ASTN2: variants seen among roughly 807,000 people sequenced by gnomAD.
ASTN2 encodes the protein astrotactin 2, also known as astrotactin-2.
ASTN2 carries 54 observed loss-of-function variants against 139.8 expected under a neutral mutation model. That is an observed-to-expected ratio of 0.39 (90% confidence interval 0.31 to 0.48). ASTN2 has a LOEUF of 0.48. Ranked by LOEUF, ASTN2 falls within the 20% of genes least tolerant of loss-of-function variation. ASTN2 has a pLI of 0.95. For missense variants in ASTN2, 1,565 were observed against 1,725.1 expected (o/e 0.91, Z 1.64); for synonymous variants, 756 against 719.5 (o/e 1.05, Z -0.81).
chr9:116,637,875 G>C (rs1457776780), intron 17 of ASTN2, among the ~76,000 whole-genome samples: 3 of 152,302 alleles, frequency 2.0e-5, no homozygotes, highest in African/African-American at 7.2e-5. Flanking sequence ...GGGAGATCGA[G>C]GCTACAGTGA....
intron 20 of ASTN2, among the ~76,000 whole-genome samples, chr9:116,482,937 G>A (rs1204658290): frequency 6.6e-6 from 1 of 152,250 alleles, no homozygotes; most frequent in African/African-American, 2.4e-5. Flanking sequence ...CATGCTTGCT[G>A]AGGACCCTTT....
chr9:116,632,785 CA>C (rs1248907965), intron 17 of ASTN2, among the ~76,000 whole-genome samples: 1 of 152,212 alleles, frequency 6.6e-6, no homozygotes, highest in Non-Finnish European at 1.5e-5. Flanking sequence ...CAGCAGAATT[CA>C]AAAGCCCTTA....
At chr9:116,688,227 C>T (rs1304308666) in intron 16 of ASTN2, among the ~76,000 whole-genome samples, 1 of 151,990 alleles carries the variant, frequency 6.6e-6, no homozygotes, top group Non-Finnish European at 1.5e-5. Context: ...TTGCAATATA[C>T]AGCCCCAAAG....
intron 2 of ASTN2, among the ~76,000 whole-genome samples, chr9:117,281,713 GC>G (rs1834329650): frequency 6.6e-6 from 1 of 152,028 alleles, no homozygotes; most frequent in African/African-American, 2.4e-5. Flanking sequence ...CAACCTGTCC[GC>G]CCCTCCCCAC....
Position 116,729,011 on chromosome 9 carries a change from G to A in ASTN2, c.2607C>T (p.Ser869=), listed in dbSNP as rs3818502. Residue 869 remains serine, a synonymous_variant, in exon 15 of 23, where the codon AGC becomes AGT. Transcript: ENST00000313400. Reference sequence around the variant, plus strand: ...CCTCACCTGCTGCGAGGGTGATGGTGCTGAGCTTCACACGGTAGAGGTTGC... The same window carrying A: ...CCTCACCTGCTGCGAGGGTGATGGTACTGAGCTTCACACGGTAGAGGTTGC... ...VRSNLYRVKL[S]TITLAAGFTN... 1.7e-4 allele frequency: 272 copies of A among 1,585,428 alleles called. 1 individual carries two copies. In the East Asian group the frequency reaches 6.1e-3, roughly 36 times the overall value.
rs1368377346 is a variant in ASTN2, at chr9:117,414,714, G to A, written c.225C>T (p.Ala75=). The A allele has an allele frequency of 1.6e-6, 2 of 1,274,240 alleles. No homozygotes were observed. The highest frequency in any genetic ancestry group is 2.0e-6 in the Non-Finnish European group (2 of 1,010,124). The allele number at this position is 1,274,240 out of a possible 1,614,324, so 78.9% of individuals were successfully genotyped here. ...LKTVTVSTLP[A]LRESDIGWSG... is the part of the protein sequence containing the mutation. ...TCCAGCCGATGTCGCTCTCCCGCAG[G>A]GCGGGCAGTGTGGACACCGTGACGG... is the stretch of plus-strand genomic sequence containing the variant. Residue 75 remains alanine, a synonymous_variant, in exon 1 of 23, where the codon GCC becomes GCT. Coordinates refer to ENST00000313400, the MANE Select transcript of ASTN2 (RefSeq NM_001365068.1). This position sits in a 1 kb window ranked among gnomAD's most constrained non-coding sequence, Gnocchi z 4.2.
chr9:116,799,545 C>T (rs957815092), intron 13 of ASTN2, among the ~76,000 whole-genome samples: 1 of 152,100 alleles, frequency 6.6e-6, no homozygotes, highest in African/African-American at 2.4e-5. Context: ...CTGTAATTTG[C>T]TCAGTCCCCA....
intron 19 of ASTN2, chr9:116,579,054 A>G (rs1380047638): frequency 6.6e-6 from 1 of 151,308 alleles, no homozygotes; most frequent in Admixed American, 6.6e-5. Flanking sequence ...GTCGAAAGGA[A>G]AAAAAAAAGG....
chr9:116,879,378 GACAGA>G (rs2132366676), intron 10 of ASTN2, among the ~76,000 whole-genome samples: 1 of 124,096 alleles, frequency 8.1e-6, no homozygotes, highest in Admixed American at 8.1e-5. Flanking sequence ...CAGACAGACA[GACAGA>G]CAGAGAATTC....
chr9:117,207,295 C>T lies in ASTN2; in HGVS notation c.1015+7063G>A, dbSNP rs563109051. On this transcript the variant is annotated intron_variant, in intron 3 of 22. Transcript: ENST00000313400. ...TGGGCCACCACCCACAGAAACGCCC[C>T]AAACCAGCCAAGCAACTGTGCAGTT... Among the ~76,000 whole-genome samples, 54 of 152,304 alleles carry T rather than the reference C, an allele frequency of 3.5e-4. No homozygotes were observed. The East Asian group carries it at 9.1e-3, about 26-fold the overall frequency.
At chr9:117,244,872 C>T (rs1010530288) in intron 2 of ASTN2, among the ~76,000 whole-genome samples, 3 of 152,048 alleles carry the variant, frequency 2.0e-5, no homozygotes, top group Admixed American at 1.3e-4. Flanking sequence ...CCATTCCAAG[C>T]TCTCCTATCA....
chr9:116,457,124 G>C (rs1006236657), intron 20 of ASTN2, among the ~76,000 whole-genome samples: 2 of 152,154 alleles, frequency 1.3e-5, no homozygotes, highest in Non-Finnish European at 2.9e-5. Context: ...TTCAGTAAAT[G>C]GTGCTGAGAA....
At chr9:116,797,422 AG>A in intron 13 of ASTN2, among the ~76,000 whole-genome samples, 1 of 152,226 alleles carries the variant, frequency 6.6e-6, no homozygotes, top group African/African-American at 2.4e-5. Flanking sequence ...TTCTGCAACC[AG>A]TTCAGGAGTC....
intron 19 of ASTN2, among the ~76,000 whole-genome samples, chr9:116,587,835 T>C (rs1047853668): frequency 7.8e-6 from 1 of 128,302 alleles, no homozygotes; most frequent in African/African-American, 2.9e-5. Flanking sequence ...AATACATTAC[T>C]GAAAGGCAGG....
At chr9:117,369,919 G>A (rs542722084) in intron 1 of ASTN2, among the ~76,000 whole-genome samples, 20 of 151,772 alleles carry the variant, frequency 1.3e-4, no homozygotes, top group Non-Finnish European at 2.8e-4. Flanking sequence ...GGTCTTTTGG[G>A]GATTCCACAG....
chr9:116,998,897 T>C (rs1837100383), intron 7 of ASTN2, among the ~76,000 whole-genome samples: 1 of 152,156 alleles, frequency 6.6e-6, no homozygotes, highest in East Asian at 1.9e-4. Flanking sequence ...AATTTATAGC[T>C]TCATAAAAAT....
chr9:116,993,309 G>A (rs757505064), intron 7 of ASTN2, among the ~76,000 whole-genome samples: 4 of 152,026 alleles, frequency 2.6e-5, no homozygotes, highest in Admixed American at 6.6e-5. Flanking sequence ...CCTTTGCACA[G>A]CCTGTTCCCT....
intron 11 of ASTN2, among the ~76,000 whole-genome samples, chr9:116,831,622 A>T (rs1217011791): frequency 6.6e-6 from 1 of 152,188 alleles, no homozygotes; most frequent in Non-Finnish European, 1.5e-5. Flanking sequence ...ATGAATAAAG[A>T]TAAAAGTATA....
intron 4 of ASTN2, among the ~76,000 whole-genome samples, chr9:117,100,181 T>C (rs748555263): frequency 5.3e-5 from 8 of 152,250 alleles, no homozygotes; most frequent in Non-Finnish European, 1.2e-4. Context: ...CCAGGCACAG[T>C]GACCACACCC....
Sources: gnomAD v4.1 joint callset for allele counts (sites outside exome capture counted in the v4.1 genomes callset) on GRCh38, gnomAD v4.1.1 for gene constraint, Gnocchi (gnomAD v3.1) non-coding constraint, MANE v1.5 for transcripts, NCBI Gene and HGNC (gene_info 2026-07-23, HGNC 2026-07-21) for gene names.